CDCP2: variants seen among roughly 807,000 people sequenced by gnomAD.
CDCP2 encodes the protein CUB domain containing protein 2, also known as CUB domain-containing protein 2.
Under a neutral mutation model 31.0 loss-of-function variants are expected in CDCP2, and 31 were observed. The ratio of observed to expected loss-of-function variants is 1.00; its 90% CI spans 0.75 to 1.35. The LOEUF is 1.35. CDCP2 is among the 40% of genes most tolerant of loss of function. The pLI is 0.00. For missense variants in CDCP2, 443 were observed against 482.6 expected, an observed-to-expected ratio of 0.92 and a Z score of 0.77; for synonymous variants, 206 against 207.9, an observed-to-expected ratio of 0.99 and a Z score of 0.08.
At chr1:54,140,083 C>G (rs1659337475) in exon 4 of CDCP2, 8 of 1,613,312 alleles carry the variant, frequency 5.0e-6, no homozygotes, top group Non-Finnish European at 6.8e-6. Flanking sequence ...CCCCGCATGG[C>G]CATGTATACC....
At position 54,152,178 on chromosome 1, in the gene CDCP2, A is replaced by G. The variant is rs116369988; in HGVS notation, c.79+666T>C. Among the ~76,000 whole-genome samples the G allele has an allele frequency of 2.0e-3, 304 of 152,264 alleles. 1 individual carries two copies. The highest frequency in any genetic ancestry group is 7.1e-3 in the African/African-American group (295 of 41,548). ...GGGAGGAGAATAAAGACTCTTCAGC[A>G]ATAGGCTGGGTGCGGTGGCTCATGC... On this transcript the variant is annotated intron_variant, in intron 1 of 5. Transcript: ENST00000530059.
intron 2 of CDCP2, chr1:54,142,329 A>G (rs1463018211): frequency 6.6e-6 from 1 of 152,260 alleles, no homozygotes; most frequent in African/African-American, 2.4e-5. Context: ...ACATCTGAAG[A>G]CAAGTAGTCT....
exon 2 of CDCP2, chr1:54,144,479 C>G: frequency 1.3e-6 from 2 of 1,575,112 alleles, no homozygotes. Flanking sequence ...TCTGGTAGCC[C>G]GCAGAAAAGC....
chr1:54,135,955 C>G (rs764961765), intron 5 of CDCP2, among the ~76,000 whole-genome samples: 1 of 152,196 alleles, frequency 6.6e-6, no homozygotes, highest in Non-Finnish European at 1.5e-5. Flanking sequence ...ACTTCCTGAC[C>G]TGTCCCTAAG....
chr1:54,137,692 T>TGTGTGTGCGTGTGTGTGTGTGC (rs1553173559), intron 4 of CDCP2: 1 of 146,090 alleles, frequency 6.8e-6, no homozygotes, highest in Non-Finnish European at 1.5e-5. Flanking sequence ...TGCGTGTGTG[T>TGTGTGTGCGTGTGTGTGTGTGC]GTGTGTGTGT....
chr1:54,132,691 C>T (rs865905929), downstream of CDCP2: 22 of 304,386 alleles, frequency 7.2e-5, no homozygotes, highest in Middle Eastern at 1.7e-3. Flanking sequence ...GAGTTCTTTT[C>T]TACAGCAGAA....
At chr1:54,144,979 A>T (rs1174161376) in intron 1 of CDCP2, among the ~76,000 whole-genome samples, 166 bp from the exon 2 acceptor site, 1 of 152,144 alleles carries the variant, frequency 6.6e-6, no homozygotes, top group Non-Finnish European at 1.5e-5. Flanking sequence ...GATGCTGACC[A>T]AGCATGCTGG....
intron 1 of CDCP2, among the ~76,000 whole-genome samples, chr1:54,152,322 G>T (rs1659598155): frequency 6.6e-6 from 1 of 152,094 alleles, no homozygotes; most frequent in African/African-American, 2.4e-5. Flanking sequence ...AAATTAGCTG[G>T]TCGTGGTGGC....
exon 3 of CDCP2, chr1:54,141,393 G>A (rs762447941): frequency 2.5e-6 from 4 of 1,613,312 alleles, no homozygotes; most frequent in Admixed American, 3.3e-5. Flanking sequence ...CAGGACTGGT[G>A]AGGACCCCTG....
exon 6 of CDCP2, chr1:54,133,059 G>A (rs1428106731): frequency 1.0e-5 from 4 of 398,982 alleles, no homozygotes; most frequent in African/African-American, 6.2e-5. Flanking sequence ...GGTATCCTGG[G>A]CCACCATGCT....
At chr1:54,139,306 T>G in intron 4 of CDCP2, 1 of 549,844 alleles carries the variant, frequency 1.8e-6, no homozygotes, top group Non-Finnish European at 3.2e-6. Flanking sequence ...TCCTGTTGAG[T>G]GAGGAAAAAC....
intron 4 of CDCP2, chr1:54,138,374 C>T (rs970520232): frequency 6.6e-6 from 1 of 152,316 alleles, no homozygotes; most frequent in Non-Finnish European, 1.5e-5. Context: ...CCCACCCCAG[C>T]TTGCATGTGG....
intron 1 of CDCP2, among the ~76,000 whole-genome samples, chr1:54,146,552 A>C (rs1659474764): frequency 6.6e-6 from 1 of 151,908 alleles, no homozygotes; most frequent in Admixed American, 6.5e-5. Context: ...ATCAGTGTGA[A>C]CTTGATTATT....
rs1176355014 is a variant in CDCP2, at chr1:54,151,369, G to A, written c.79+1475C>T. On this transcript the variant is annotated intron_variant, in intron 1 of 5. Coordinates refer to ENST00000530059, the Ensembl canonical transcript of CDCP2. ...CTAATTCATGCCTTTATGGCAAAAG[G>A]ACAAATAGATATTCTGTCCAATGCC... is the stretch of plus-strand genomic sequence containing the variant. 3.3e-5 allele frequency among the ~76,000 whole-genome samples: 5 copies of A among 152,292 alleles called. No homozygotes were observed. In the East Asian group the frequency reaches 9.7e-4, roughly 29 times the overall value.
At chr1:54,140,980 G>C (rs1659358096) in intron 3 of CDCP2, 118 bp downstream of exon 3, 1 of 784,778 alleles carries the variant, frequency 1.3e-6, no homozygotes, top group Non-Finnish European at 2.0e-6. Context: ...CAGGCAGAGA[G>C]AGTGCAGAAA....
chr1:54,136,525 G>T, intron 5 of CDCP2, 105 bp downstream of exon 5: 1 of 398,506 alleles, frequency 2.5e-6, no homozygotes, highest in African/African-American at 2.1e-5. Context: ...ATCCAGGCCT[G>T]TGTGGCCCCC....
chr1:54,141,022 C>A (rs1659359438), intron 3 of CDCP2, 76 bp downstream of exon 3: 3 of 1,265,884 alleles, frequency 2.4e-6, no homozygotes, highest in East Asian at 2.4e-5. Context: ...AAAGGTGTGA[C>A]CCCTGCAAGT....
chr1:54,150,165 G>A (rs1659556130), intron 1 of CDCP2, among the ~76,000 whole-genome samples: 1 of 152,248 alleles, frequency 6.6e-6, no homozygotes, highest in Non-Finnish European at 1.5e-5. Flanking sequence ...CTCCAGGCTA[G>A]GCCAGAGTTC....
chr1:54,150,993 T>G (rs1442489967), intron 1 of CDCP2, among the ~76,000 whole-genome samples: 1 of 152,164 alleles, frequency 6.6e-6, no homozygotes, highest in Admixed American at 6.5e-5. Flanking sequence ...ACAGCGTGAT[T>G]GCACTGTGGC....
Sources: allele counts gnomAD v4.1 joint callset (sites outside exome capture counted in the v4.1 genomes callset), GRCh38; gene constraint gnomAD v4.1.1; transcripts MANE v1.5; gene names NCBI Gene and HGNC (gene_info 2026-07-23, HGNC 2026-07-21).